SGCD: variants seen among roughly 807,000 people sequenced by gnomAD.
SGCD encodes the protein sarcoglycan delta.
Under a neutral mutation model 36.6 loss-of-function variants are expected in SGCD, and 18 were observed. The observed-to-expected ratio is 0.49, with a 90% CI of 0.34 to 0.73. The LOEUF is 0.73. Ranked by LOEUF, SGCD falls within the 30% of genes least tolerant of loss-of-function variation. The pLI is 0.01. For synonymous variants in SGCD, 133 were observed against 130.6 expected, an observed-to-expected ratio of 1.02 and a Z score of -0.12; for missense variants, 387 against 346.7, an observed-to-expected ratio of 1.12 and a Z score of -0.92.
chr5:156,408,447 C>T (rs1307104899), intron 3 of SGCD, among the ~76,000 whole-genome samples: 3 of 150,676 alleles, frequency 2.0e-5, no homozygotes, highest in Admixed American at 6.6e-5. Context: ...CAACCTCTGC[C>T]TCCTGGGTTC....
chr5:155,975,580 A>T (rs1260797784), intron 1 of SGCD, among the ~76,000 whole-genome samples: 1 of 134,462 alleles, frequency 7.4e-6, no homozygotes, highest in Non-Finnish European at 1.6e-5. Context: ...TATTCAGAGA[A>T]TCATGTGTTA....
intron 6 of SGCD, among the ~76,000 whole-genome samples, chr5:156,615,212 A>G (rs1280670049): frequency 1.3e-5 from 2 of 152,226 alleles, no homozygotes; most frequent in Non-Finnish European, 2.9e-5. Context: ...GGAAAACATG[A>G]CTTTGGTTTT....
Position 156,767,178 on chromosome 5 carries a change from G to A in SGCD, c.*7788G>A, listed in dbSNP as rs1224334945. 2 of 152,166 alleles carry A rather than the reference G, an allele frequency of 1.3e-5. No individual in the cohort carries two copies. The highest frequency in any genetic ancestry group is 4.8e-5 in the African/African-American group (2 of 41,440). 9.4% of individuals were successfully genotyped at this position (152,166 alleles called of 1,614,324 possible). A position where few individuals can be genotyped will look rare whatever the true frequency, so the allele number is the denominator to read the frequency against. ...ATCTAGCTCTCTGGAAGAGATGCAA[G>A]ATTCTAGAAAAGTAAAGGGAAGTGT... On this transcript the variant is annotated 3_prime_UTR_variant, in exon 9 of 9. Coordinates refer to ENST00000337851, the MANE Select transcript of SGCD (RefSeq NM_000337.6).
At chr5:156,572,880 G>T (rs987892944) in intron 4 of SGCD, among the ~76,000 whole-genome samples, 1 of 152,072 alleles carries the variant, frequency 6.6e-6, no homozygotes, top group Non-Finnish European at 1.5e-5. Context: ...TTCCTCAAAG[G>T]ATTAGTGACG....
chr5:155,817,165 A>G, the SGCD span, among the ~76,000 whole-genome samples: 4 of 152,152 alleles, frequency 2.6e-5, no homozygotes, highest in African/African-American at 9.7e-5. Context: ...CATTGCCTTA[A>G]TATTGCATAT....
chr5:156,562,202 T>A (rs1234746423), intron 4 of SGCD, among the ~76,000 whole-genome samples: 1 of 152,196 alleles, frequency 6.6e-6, no homozygotes, highest in East Asian at 1.9e-4. Flanking sequence ...GTAAATTATG[T>A]AATATGCAAA....
At chr5:156,294,313 C>T (rs1183954923) in intron 3 of SGCD, among the ~76,000 whole-genome samples, 2 of 152,008 alleles carry the variant, frequency 1.3e-5, no homozygotes. Flanking sequence ...AATTTAGATG[C>T]CAGCTGGGCA....
At chr5:156,136,319 C>T (rs1271482333) in intron 3 of SGCD, among the ~76,000 whole-genome samples, 2 of 152,190 alleles carry the variant, frequency 1.3e-5, no homozygotes, top group East Asian at 3.9e-4. Flanking sequence ...TGCCAAATTG[C>T]TGAGGCTGTT....
chr5:155,948,129 T>C (rs913364358), intron 1 of SGCD, among the ~76,000 whole-genome samples: 2 of 151,912 alleles, frequency 1.3e-5, no homozygotes, highest in Admixed American at 6.6e-5. Context: ...TACAAAAAAA[T>C]AGCCAGTTGT....
chr5:156,398,950 C>T (rs1561670244), intron 3 of SGCD, among the ~76,000 whole-genome samples: 1 of 152,102 alleles, frequency 6.6e-6, no homozygotes, highest in East Asian at 1.9e-4. Flanking sequence ...GCTCAATAGC[C>T]ACATGCATGC....
chr5:156,288,395 C>T (rs1766670923), intron 3 of SGCD, among the ~76,000 whole-genome samples: 1 of 152,262 alleles, frequency 6.6e-6, no homozygotes, highest in Middle Eastern at 3.4e-3. Flanking sequence ...ATTTCTTTGC[C>T]TGCTGGAAAT....
the SGCD span, among the ~76,000 whole-genome samples, chr5:155,845,224 A>C: frequency 6.6e-6 from 1 of 152,218 alleles, no homozygotes; most frequent in African/African-American, 2.4e-5. Flanking sequence ...TGCATGAAGC[A>C]CTTGGCATAG....
the SGCD span, among the ~76,000 whole-genome samples, chr5:155,730,479 A>G: frequency 3.8e-5 from 1 of 26,558 alleles, no homozygotes; most frequent in African/African-American, 1.2e-4. Flanking sequence ...GTGTGTGGCG[A>G]GGGGAAATTG....
intron 1 of SGCD, among the ~76,000 whole-genome samples, chr5:155,874,972 C>T (rs1286354947): frequency 1.3e-5 from 2 of 150,878 alleles, no homozygotes; most frequent in Non-Finnish European, 2.9e-5. Context: ...TGAATATTCA[C>T]TGCAGCTTTA....
At chr5:155,762,816 C>A in the SGCD span, among the ~76,000 whole-genome samples, 1 of 152,274 alleles carries the variant, frequency 6.6e-6, no homozygotes, top group East Asian at 1.9e-4. Flanking sequence ...GGCAATTCCT[C>A]TAATACTTAG....
chr5:156,380,246 C>G (rs2312064), intron 3 of SGCD, among the ~76,000 whole-genome samples: 103,270 of 152,112 alleles, frequency 0.68, 36,529 homozygotes, highest in East Asian at 0.91. Context: ...AACAAAGAAA[C>G]AAGTTAATGT....
the SGCD span, among the ~76,000 whole-genome samples, chr5:155,729,972 G>GTT: frequency 1.3e-5 from 2 of 152,176 alleles, no homozygotes; most frequent in Non-Finnish European, 2.9e-5. Flanking sequence ...AAAACTCATA[G>GTT]TTTCGCTCCT....
At chr5:155,894,031 T>C (rs1241357391) in intron 1 of SGCD, among the ~76,000 whole-genome samples, 1 of 152,206 alleles carries the variant, frequency 6.6e-6, no homozygotes, top group Admixed American at 6.5e-5. Flanking sequence ...AAGGCACTTA[T>C]CATGAATGGA....
At position 156,196,576 on chromosome 5, in the gene SGCD, G is replaced by A. The variant is rs138491588; in HGVS notation, c.-44+72557G>A. ...TTGCTACTAATGATTGACCATATTG[G>A]TCATGACTTTAATATAATTTGGAAA... On this transcript the variant is annotated intron_variant, in intron 3 of 9. Transcript: ENST00000517913. Among the ~76,000 whole-genome samples the A allele has an allele frequency of 1.2e-3, 178 of 152,266 alleles. 1 individual carries two copies. Among genetic ancestry groups the A allele is most frequent in the African/African-American group, 4.0e-3 (168 of 41,568 alleles).
Sources: allele counts gnomAD v4.1 joint callset (sites outside exome capture counted in the v4.1 genomes callset), GRCh38; gene constraint gnomAD v4.1.1; transcripts MANE v1.5; gene names NCBI Gene and HGNC (gene_info 2026-07-23, HGNC 2026-07-21).